Variants in TEKT5 observed in about 807,000 individuals in gnomAD.
TEKT5 encodes the protein tektin-5.
TEKT5 carries 52 observed loss-of-function variants against 48.7 expected under a neutral mutation model. The observed-to-expected ratio is 1.07, with a 90% confidence interval of 0.86 to 1.35. The LOEUF (loss-of-function observed/expected upper bound fraction) is 1.35. Ranked by LOEUF, TEKT5 falls within the 40% of genes most tolerant of loss-of-function variation. The pLI, the probability that TEKT5 is intolerant of heterozygous loss-of-function variation, is 0.00. For synonymous variants in TEKT5, 318 were observed against 267.6 expected, an observed-to-expected ratio of 1.19 and a Z score of -1.84; for missense variants, 831 against 641.6, an observed-to-expected ratio of 1.30 and a Z score of -3.19.
intron 6 of TEKT5, among the ~76,000 whole-genome samples, chr16:10,629,897 T>C (rs1897813049): frequency 6.6e-6 from 1 of 152,170 alleles, no homozygotes; most frequent in South Asian, 2.1e-4. Flanking sequence ...CCCCTCTCCT[T>C]CTGAGGCTTT....
At position 10,636,008 on chromosome 16, in the gene TEKT5, G is replaced by A. The variant is rs868015261; in HGVS notation, c.1087-90C>T. ...TGGGGGGAGCAAGTCAGCTAGGTCAGCCTCCAGCCAGGCACTTAAGATACT... is the reference window on the plus strand; with the variant it reads ...TGGGGGGAGCAAGTCAGCTAGGTCAACCTCCAGCCAGGCACTTAAGATACT... On this transcript the variant is annotated intron_variant, in intron 5 of 6. Transcript: ENST00000283025. 1.1e-5 allele frequency: 17 copies of A among 1,549,528 alleles called. No individual in the cohort carries two copies. The East Asian group carries it at 3.6e-4, about 33-fold the overall frequency.
chr16:10,666,493 C>T (rs1298131908), intron 5 of TEKT5, among the ~76,000 whole-genome samples: 1 of 152,220 alleles, frequency 6.6e-6, no homozygotes, highest in Non-Finnish European at 1.5e-5. Flanking sequence ...CAGCAGCACC[C>T]CCTCACCAAA....
At position 10,690,651 on chromosome 16, in the gene TEKT5, TG is replaced by T. The variant is rs1326968216; in HGVS notation, c.565-627del. The T allele has an allele frequency of 5.4e-5, 53 of 985,402 alleles. No homozygotes were observed. The East Asian group carries it at 6.8e-4, about 13-fold the overall frequency. 61.0% of individuals were successfully genotyped at this position (985,402 alleles called of 1,614,324 possible). A position where few individuals can be genotyped will look rare whatever the true frequency, so the allele number is the denominator to read the frequency against. On this transcript the variant is annotated intron_variant, in intron 1 of 6. Coordinates refer to ENST00000283025, the MANE Select transcript of TEKT5 (RefSeq NM_144674.2). ...CAGATCTCCCAGTGGAGGGACAGTTTGGGGAAGTGGTCAGGACAACCCTGCC... is the reference window on the plus strand; with the variant it reads ...CAGATCTCCCAGTGGAGGGACAGTTTGGGAAGTGGTCAGGACAACCCTGCC...
At chr16:10,648,812 G>T (rs1451609248) in intron 5 of TEKT5, among the ~76,000 whole-genome samples, 1 of 152,232 alleles carries the variant, frequency 6.6e-6, no homozygotes, top group East Asian at 1.9e-4. Context: ...AGCAGTTTCT[G>T]CAGGCCACAG....
At position 10,687,996 on chromosome 16, in the gene TEKT5, C is replaced by G. The variant is rs578134031; in HGVS notation, c.719+1257G>C. On this transcript the variant is annotated intron_variant, in intron 3 of 6. Coordinates refer to ENST00000283025, the MANE Select transcript of TEKT5 (RefSeq NM_144674.2). The stretch of plus-strand genomic sequence containing the variant: ...TGTTACAAACATTCCCATTTATACT[C>G]TTTAAGTTATTTTTAAATGTGCAAT... 8.5e-5 allele frequency among the ~76,000 whole-genome samples: 13 copies of G among 152,258 alleles called. No homozygotes were observed. The South Asian group carries it at 2.3e-3, about 27-fold the overall frequency.
chr16:10,657,589 A>G (rs1375270898), intron 5 of TEKT5, among the ~76,000 whole-genome samples: 3 of 141,796 alleles, frequency 2.1e-5, no homozygotes, highest in Non-Finnish European at 4.7e-5. Context: ...TCCCCTTTCA[A>G]TTTTTTTTTT....
intron 4 of TEKT5, among the ~76,000 whole-genome samples, chr16:10,678,612 T>C (rs1304593294): frequency 6.6e-6 from 1 of 152,030 alleles, no homozygotes; most frequent in Non-Finnish European, 1.5e-5. Flanking sequence ...AAGCATCTTG[T>C]TCAAGGCCGC....
chr16:10,688,664 G>T (rs1303202382), intron 3 of TEKT5, among the ~76,000 whole-genome samples: 1 of 152,220 alleles, frequency 6.6e-6, no homozygotes, highest in African/African-American at 2.4e-5. Context: ...CTTCACTATG[G>T]GCCCCAAGCC....
chr16:10,679,672 A>T (rs1898710128), intron 4 of TEKT5, among the ~76,000 whole-genome samples: 1 of 152,076 alleles, frequency 6.6e-6, no homozygotes, highest in African/African-American at 2.4e-5. Context: ...AGGCGGGCAG[A>T]TCACCTAAGG....
Position 10,627,758 on chromosome 16 carries a change from G to T in TEKT5, c.1283C>A (p.Thr428Asn). The T allele has an allele frequency of 6.2e-7, 1 of 1,614,246 alleles. No homozygotes were observed. Among genetic ancestry groups the T allele is most frequent in the Non-Finnish European group, 8.5e-7 (1 of 1,180,054 alleles). Residue 428 changes from threonine to asparagine, a missense_variant, in exon 7 of 7, where the codon ACC becomes AAC. Thr to Asn is a moderately conservative substitution (Grantham distance 65). Coordinates refer to ENST00000283025, the MANE Select transcript of TEKT5 (RefSeq NM_144674.2). ...TGTCTCCCGCAGCCGCAGCTTGAGGGTCTGCAGGGTGTCGTCGATGGTGAA... is the reference window on the plus strand; with the variant it reads ...TGTCTCCCGCAGCCGCAGCTTGAGGTTCTGCAGGGTGTCGTCGATGGTGAA... The part of the protein sequence containing the change: ...EVFTIDDTLQ[T>N]LKLRLRETQD...
intron 5 of TEKT5, among the ~76,000 whole-genome samples, chr16:10,672,215 G>T (rs191606270): frequency 1.4e-3 from 214 of 151,346 alleles, no homozygotes; most frequent in Admixed American, 3.4e-3. Context: ...ATGAAAAAAA[G>T]AAAAAGGGAC....
chr16:10,674,387 A>G (rs1898604548), intron 5 of TEKT5, among the ~76,000 whole-genome samples: 1 of 151,224 alleles, frequency 6.6e-6, no homozygotes, highest in South Asian at 2.1e-4. Context: ...TAATCCTAAC[A>G]CTTTGGGAGG....
At chr16:10,634,430 G>T (rs1326491576) in intron 6 of TEKT5, among the ~76,000 whole-genome samples, 1 of 152,072 alleles carries the variant, frequency 6.6e-6, no homozygotes, top group Admixed American at 6.5e-5. Context: ...CACAGCCCTG[G>T]GCACAGTGAA....
At chr16:10,670,547 C>G (rs780612928) in intron 5 of TEKT5, among the ~76,000 whole-genome samples, 2 of 152,166 alleles carry the variant, frequency 1.3e-5, no homozygotes, top group Non-Finnish European at 2.9e-5. Context: ...TTCAAATCCT[C>G]TAGCCAAAGT....
Position 10,652,719 on chromosome 16 carries a change from A to T in TEKT5, c.1087-16801T>A, listed in dbSNP as rs78469062. Among the ~76,000 whole-genome samples, 49 of 89,556 alleles carry T rather than the reference A, an allele frequency of 5.5e-4. 1 individual carries two copies. Among genetic ancestry groups the T allele is most frequent in the Middle Eastern group, 9.4e-3 (1 of 106 alleles). The allele number at this position is 89,556 out of a possible 152,430, so 58.8% of individuals were successfully genotyped here. Reference sequence around the variant, plus strand: ...CACACACACACACACACACACACACACACACCCTCCAGGCCAGGTAGAGTG... The same window carrying T: ...CACACACACACACACACACACACACTCACACCCTCCAGGCCAGGTAGAGTG... On this transcript the variant is annotated intron_variant, in intron 5 of 6. Coordinates refer to ENST00000283025, the MANE Select transcript of TEKT5 (RefSeq NM_144674.2).
chr16:10,630,745 G>A lies in TEKT5; in HGVS notation c.1242-2946C>T, dbSNP rs145897765. On this transcript the variant is annotated intron_variant, in intron 6 of 6. Transcript: ENST00000283025. Reference sequence around the variant, plus strand: ...TTTAAAACTTAAATTTTGGCTAGGCGTGGTGACTCACACTTGTAATCCCAG... The same window carrying A: ...TTTAAAACTTAAATTTTGGCTAGGCATGGTGACTCACACTTGTAATCCCAG... Among the ~76,000 whole-genome samples, 271 of 152,292 alleles carry A rather than the reference G, an allele frequency of 1.8e-3. 1 individual carries two copies. Among genetic ancestry groups the A allele is most frequent in the African/African-American group, 6.3e-3 (261 of 41,564 alleles).
chr16:10,692,811 C>G (rs58598535), intron 1 of TEKT5: 41 of 152,342 alleles, frequency 2.7e-4, no homozygotes, highest in African/African-American at 9.9e-4. Context: ...AATGCAAAAC[C>G]TCCTTGGGAA....
intron 5 of TEKT5, among the ~76,000 whole-genome samples, chr16:10,636,498 C>A (rs1458537992): frequency 6.6e-6 from 1 of 151,922 alleles, no homozygotes; most frequent in African/African-American, 2.4e-5. Flanking sequence ...CCTCCAATAG[C>A]CATTAGAGTT....
At chr16:10,659,169 C>A (rs1021226732) in intron 5 of TEKT5, among the ~76,000 whole-genome samples, 3 of 152,322 alleles carry the variant, frequency 2.0e-5, no homozygotes, top group African/African-American at 7.2e-5. Context: ...GATAATCACC[C>A]CATGACTGAG....
Sources: gnomAD v4.1 joint callset for allele counts (sites outside exome capture counted in the v4.1 genomes callset) on GRCh38, gnomAD v4.1.1 for gene constraint, MANE v1.5 for transcripts, NCBI Gene and HGNC (gene_info 2026-07-23, HGNC 2026-07-21) for gene names.